The following ITGA2B variants were observed in gnomAD, a reference collection of about 807,000 sequenced individuals.
ITGA2B encodes integrin alpha-IIb.
In ITGA2B, 91 loss-of-function variants were observed where a neutral mutation model predicts 142.0. The observed-to-expected ratio is 0.64, with a 90% CI of 0.54 to 0.76. The LOEUF is 0.76. ITGA2B is among the 30% of genes least tolerant of loss of function. ITGA2B has a pLI of 0.00. For missense variants in ITGA2B, 1,231 were observed against 1,350.8 expected, an observed-to-expected ratio of 0.91 and a Z score of 1.39; for synonymous variants, 536 against 567.2, an observed-to-expected ratio of 0.94 and a Z score of 0.78.
intron 1 of ITGA2B, among the ~76,000 whole-genome samples, chr17:44,389,046 T>C (rs2048675791): frequency 6.6e-6 from 1 of 152,096 alleles, no homozygotes; most frequent in African/African-American, 2.4e-5. Flanking sequence ...TCAACTCTTG[T>C]CTTCCCTTTG....
chr17:44,384,863 T>C, intron 7 of ITGA2B, 85 bp downstream of exon 7: 3 of 1,596,040 alleles, frequency 1.9e-6, no homozygotes, highest in Non-Finnish European at 2.6e-6. Flanking sequence ...GGGGTGGCCA[T>C]GGAGGCTCCC....
At chr17:44,378,550 G>A in intron 19 of ITGA2B, 41 bp from the exon 20 acceptor site, 1 of 1,611,184 alleles carries the variant, frequency 6.2e-7, no homozygotes, top group Non-Finnish European at 8.5e-7. Context: ...CCTGGGTCTG[G>A]GCCCAGGATG....
intron 26 of ITGA2B, 108 bp downstream of exon 26, chr17:44,375,483 C>T (rs1257924796): frequency 7.4e-7 from 1 of 1,352,330 alleles, no homozygotes; most frequent in Middle Eastern, 1.9e-4. Flanking sequence ...AGGGACCAAG[C>T]GTGGCCCACA....
intron 18 of ITGA2B, among the ~76,000 whole-genome samples, chr17:44,379,346 G>A (rs1243155090): frequency 1.3e-5 from 2 of 151,734 alleles, no homozygotes; most frequent in Non-Finnish European, 2.9e-5. Flanking sequence ...TGCCTCCTGG[G>A]TTCAAGTGAT....
intron 29 of ITGA2B, chr17:44,374,000 G>T: frequency 3.1e-6 from 1 of 323,234 alleles, no homozygotes; most frequent in Non-Finnish European, 6.1e-6. Context: ...CCGCCTCCTG[G>T]GTTCATGCAA....
At position 44,375,666 on chromosome 17, in the gene ITGA2B, A is replaced by G; in HGVS notation, c.2652T>C (p.His884=). 1.9e-6 allele frequency: 3 copies of G among 1,609,368 alleles called. No homozygotes were observed. The highest frequency in any genetic ancestry group is 2.5e-6 in the Non-Finnish European group (3 of 1,178,026). ...IPSPSPIHPA[H]HKRDRRQIFL... ...AGATCTGTCTGCGATCCCGCTTGTG[A>G]TGGGCCGGGTGAATGGGGGAGGGGC... Residue 884 remains histidine (H), a synonymous_variant, in exon 26 of 30, where the codon CAT becomes CAC. Transcript: ENST00000262407.
At chr17:44,380,223 C>T (rs919756269) in intron 16 of ITGA2B, 23 bp downstream of exon 16, 1 of 1,614,052 alleles carries the variant, frequency 6.2e-7, no homozygotes, top group African/African-American at 1.3e-5. Context: ...CCACCTCCCT[C>T]CTGCCCCCTT....
At chr17:44,380,183 TC>T (rs753186576) in intron 16 of ITGA2B, 30 bp from the exon 17 acceptor site, 1 of 1,613,830 alleles carries the variant, frequency 6.2e-7, no homozygotes, top group Non-Finnish European at 8.5e-7. Flanking sequence ...AGTCAGGACC[TC>T]CCTGGCCAGC....
chr17:44,376,448 G>T, intron 22 of ITGA2B, 60 bp from the exon 23 acceptor site: 1 of 1,505,502 alleles, frequency 6.6e-7, no homozygotes, highest in Non-Finnish European at 9.2e-7. Context: ...GACTTTCTGG[G>T]GGTGAGGCCA....
intron 12 of ITGA2B, among the ~76,000 whole-genome samples, chr17:44,382,136 A>C (rs2048602728): frequency 1.3e-5 from 2 of 149,548 alleles, no homozygotes; most frequent in African/African-American, 2.5e-5. Flanking sequence ...TCACCCTCCC[A>C]CCCCCTGAGG....
At position 44,376,353 on chromosome 17, in the gene ITGA2B, A is replaced by C; in HGVS notation, c.2303T>G (p.Leu768Arg). 1 of 1,614,206 alleles carries C rather than the reference A, an allele frequency of 6.2e-7. No homozygotes were observed. The highest frequency in any genetic ancestry group is 8.5e-7 in the Non-Finnish European group (1 of 1,180,038). ...CTCTGCCCGGACCGGCACGTCCAGC[A>C]GCACAATCTTGCTGTTTGGATTCTG... ...NSQNPNSKIV[L>R]LDVPVRAEAQ... is the part of the protein sequence containing the mutation. The change falls in exon 23 of 30, where the codon CTG becomes CGG. Residue 768 changes from leucine to arginine, a missense_variant. By Grantham distance (102) the Leu-to-Arg change is moderately radical (BLOSUM62 -2). This residue lies in a region of ITGA2B where 908 missense variants were observed against 1,021.1 expected (regional missense o/e 0.89). Coordinates refer to ENST00000262407, the MANE Select transcript of ITGA2B (RefSeq NM_000419.5).
At position 44,376,165 on chromosome 17, in the gene ITGA2B, G is replaced by A. The variant is rs1395914804; in HGVS notation, c.2368C>T (p.Leu790=). The change falls in exon 24 of 30, where the codon CTG becomes TTG. Residue 790 remains leucine (L), a synonymous_variant. Transcript: ENST00000262407. ...TCACCTTCTTCTGCTGCCACCACCA[G>A]GGAGGCTGGAAAGGAGTTCCTGCAG... ...ELRGNSFPAS[L]VVAAEEGERE... The A allele has an allele frequency of 2.5e-6, 4 of 1,614,080 alleles. No homozygotes were observed. In the Admixed American group the frequency reaches 6.7e-5, roughly 27 times the overall value.
intron 12 of ITGA2B, among the ~76,000 whole-genome samples, chr17:44,381,861 C>T (rs2048600392): frequency 6.6e-6 from 1 of 151,850 alleles, no homozygotes; most frequent in African/African-American, 2.4e-5. Flanking sequence ...CTCCTAGGCT[C>T]CAGTGATCCT....
At chr17:44,389,258 CA>C in intron 1 of ITGA2B, 27 bp downstream of exon 1, 1 of 1,613,534 alleles carries the variant, frequency 6.2e-7, no homozygotes, top group Non-Finnish European at 8.5e-7. Context: ...TGCTCTCTCC[CA>C]ATACCCCAAC....
rs2048587484 is a variant in ITGA2B at position 44,380,613 on chromosome 17, C to G, written c.1426G>C (p.Val476Leu). 1 of 1,614,202 alleles carries G rather than the reference C, an allele frequency of 6.2e-7. No individual in the cohort carries two copies. Among genetic ancestry groups the G allele is most frequent in the South Asian group, 1.1e-5 (1 of 91,086 alleles). Residue 476 changes from valine (V) to leucine (L), a missense_variant, in exon 14 of 30, where the codon GTG becomes CTG. Around this residue, in one of 3 missense-constraint regions of ITGA2B, gnomAD observed 908 missense variants for 1,021.1 expected, o/e 0.89. Coordinates refer to ENST00000262407, the MANE Select transcript of ITGA2B (RefSeq NM_000419.5). ...LIVGAYGANQ[V>L]AVYRAQPVVK... Reference sequence around the variant, plus strand: ...GCCAGTGCTCACCTGTACACAGCCACCTGGTTGGCCCCGTAAGCTCCCACG... The same window carrying G: ...GCCAGTGCTCACCTGTACACAGCCAGCTGGTTGGCCCCGTAAGCTCCCACG...
chr17:44,381,424 C>T (rs999469235), intron 12 of ITGA2B, among the ~76,000 whole-genome samples: 3 of 151,752 alleles, frequency 2.0e-5, no homozygotes, highest in Non-Finnish European at 2.9e-5. Context: ...CTGCCTCCCC[C>T]GTTAAAGTGA....
At chr17:44,379,417 A>AT (rs1299779418) in intron 18 of ITGA2B, among the ~76,000 whole-genome samples, 2 of 150,190 alleles carry the variant, frequency 1.3e-5, no homozygotes, top group African/African-American at 2.5e-5. Context: ...CACCCGGCTA[A>AT]TTTTTTTTGT....
At chr17:44,378,600 G>C (rs2048565956) in intron 19 of ITGA2B, 43 bp downstream of exon 19, 2 of 1,585,534 alleles carry the variant, frequency 1.3e-6, no homozygotes, top group Admixed American at 3.7e-5. Flanking sequence ...AGGTATGATA[G>C]GCAGAAAGGG....
In ITGA2B at chr17:44,389,273, C is replaced by T; in HGVS notation, c.188+13G>A. 2 of 1,614,076 alleles carry T rather than the reference C, an allele frequency of 1.2e-6. No homozygotes were observed. The highest frequency in any genetic ancestry group is 1.7e-6 in the Non-Finnish European group (2 of 1,180,014). On this transcript the variant is annotated intron_variant, in intron 1 of 29. Transcript: ENST00000262407. ...TGCTCTCTCCCAATACCCCAACTTC[C>T]CTTACGGCTCACCTCCCATGGCTGT... is the stretch of plus-strand genomic sequence containing the variant.
Sources: allele counts gnomAD v4.1 joint callset (sites outside exome capture counted in the v4.1 genomes callset), GRCh38; gene constraint gnomAD v4.1.1; regional missense constraint gnomAD v4.1.1; transcripts MANE v1.5; gene names NCBI Gene and HGNC (gene_info 2026-07-23, HGNC 2026-07-21).